The following EYS variants were observed in gnomAD, a reference collection of about 807,000 sequenced individuals.
EYS encodes EGF-like photoreceptor maintenance factor, also known as protein eyes shut homolog.
EYS carries 250 observed loss-of-function variants against 282.1 expected under a neutral mutation model. The observed-to-expected ratio is 0.89, with a 90% CI of 0.80 to 0.98. The LOEUF (loss-of-function observed/expected upper bound fraction) is 0.98, where lower values mean the gene tolerates loss of function less well. Ranked by LOEUF, EYS falls within the 50% of genes least tolerant of loss-of-function variation. The pLI, the probability that EYS is intolerant of heterozygous loss-of-function variation, is 0.00. For synonymous variants in EYS, 1,355 were observed against 1,282.9 expected (o/e 1.06, Z -1.20); for missense variants, 4,016 against 3,709.0 (o/e 1.08, Z -2.15).
chr6:64,761,096 A>C (rs1371844186), intron 22 of EYS, among the ~76,000 whole-genome samples: 1 of 152,218 alleles, frequency 6.6e-6, no homozygotes, highest in East Asian at 1.9e-4. Flanking sequence ...ACTTGAATTC[A>C]GTTAGAACTA....
chr6:64,309,024 T>A (rs1769568539), intron 29 of EYS, among the ~76,000 whole-genome samples: 1 of 152,084 alleles, frequency 6.6e-6, no homozygotes, highest in Non-Finnish European at 1.5e-5. Flanking sequence ...AAAAATAAAG[T>A]TTATGACTAT....
At chr6:63,807,998 C>T (rs1313973082) in intron 36 of EYS, among the ~76,000 whole-genome samples, 1 of 152,078 alleles carries the variant, frequency 6.6e-6, no homozygotes, top group Non-Finnish European at 1.5e-5. Context: ...AATATTTCTT[C>T]CTGTTAATAA....
intron 36 of EYS, among the ~76,000 whole-genome samples, chr6:63,843,361 T>C (rs1032476708): frequency 3.3e-5 from 5 of 152,160 alleles, no homozygotes; most frequent in Non-Finnish European, 5.9e-5. Context: ...TTATTCTCTT[T>C]GTAGCGATTG....
At chr6:63,922,836 T>C (rs321485) in intron 35 of EYS, among the ~76,000 whole-genome samples, 151,663 of 152,318 alleles carry the variant, frequency 1, 75,513 homozygotes, top group Middle Eastern at 1. Context: ...CTAACTCTGA[T>C]ATCTAATCCA....
intron 2 of EYS, among the ~76,000 whole-genome samples, chr6:65,528,258 G>A (rs1467383467): frequency 6.6e-6 from 1 of 152,014 alleles, no homozygotes; most frequent in Non-Finnish European, 1.5e-5. Flanking sequence ...TTCTCCAAGG[G>A]GAACACAGAA....
chr6:63,756,419 G>C (rs1328265222), intron 41 of EYS, among the ~76,000 whole-genome samples: 3 of 152,110 alleles, frequency 2.0e-5, no homozygotes, highest in Non-Finnish European at 2.9e-5. Flanking sequence ...TTTATGTGAT[G>C]GTTTACGTTT....
At chr6:64,945,528 T>C (rs981145965) in intron 15 of EYS, among the ~76,000 whole-genome samples, 2 of 152,112 alleles carry the variant, frequency 1.3e-5, no homozygotes, top group Admixed American at 1.3e-4. Context: ...AAACATGTTT[T>C]GAAGAAGTAA....
At chr6:63,846,821 C>T (rs759769967) in intron 36 of EYS, among the ~76,000 whole-genome samples, 1 of 152,178 alleles carries the variant, frequency 6.6e-6, no homozygotes, top group Non-Finnish European at 1.5e-5. Context: ...AATAGACCTA[C>T]ATTTGTCTGT....
intron 12 of EYS, among the ~76,000 whole-genome samples, chr6:65,095,786 C>T (rs867435760): frequency 6.0e-5 from 9 of 150,942 alleles, no homozygotes; most frequent in African/African-American, 1.2e-4. Flanking sequence ...TATGCATAGA[C>T]GGAATTTAAG....
At chr6:65,427,194 T>C (rs1767694315) in intron 5 of EYS, among the ~76,000 whole-genome samples, 1 of 152,080 alleles carries the variant, frequency 6.6e-6, no homozygotes, top group Non-Finnish European at 1.5e-5. Flanking sequence ...CACTTCACTT[T>C]TTCTTCAGGA....
chr6:65,166,257 CAG>C (rs1764969008), intron 12 of EYS, among the ~76,000 whole-genome samples: 1 of 151,066 alleles, frequency 6.6e-6, no homozygotes, highest in African/African-American at 2.4e-5. Context: ...GCAGCTATGA[CAG>C]AGTCACAAAA....
chr6:64,815,414 T>G (rs557128592), intron 21 of EYS, among the ~76,000 whole-genome samples: 1 of 152,210 alleles, frequency 6.6e-6, no homozygotes, highest in Non-Finnish European at 1.5e-5. Context: ...AATTGAATTG[T>G]ATCTCCCATG....
rs1770368830 is a variant in EYS, at chr6:64,691,184, C to T, written c.3444-64939G>A. ...TAAAGGGCAATGATTAAAAAGTACG[C>T]ATGTAACATTAGATTTCATAGTGAA... On this transcript the variant is annotated intron_variant, in intron 22 of 42. Transcript: ENST00000503581. Among the ~76,000 whole-genome samples the T allele has an allele frequency of 2.6e-5, 4 of 151,984 alleles. No homozygotes were observed. The South Asian group carries it at 8.3e-4, about 31-fold the overall frequency.
At chr6:64,885,595 G>GT (rs1249427756) in intron 19 of EYS, among the ~76,000 whole-genome samples, 1 of 151,630 alleles carries the variant, frequency 6.6e-6, no homozygotes, top group Non-Finnish European at 1.5e-5. Flanking sequence ...AAAGTAAACT[G>GT]TTTTATAGTT....
intron 31 of EYS, among the ~76,000 whole-genome samples, chr6:64,198,300 C>T (rs1168366199): frequency 6.6e-6 from 1 of 151,984 alleles, no homozygotes; most frequent in Non-Finnish European, 1.5e-5. Flanking sequence ...AGCCACTGCA[C>T]CCGGCCTATA....
At chr6:64,507,180 A>G (rs1009358934) in intron 26 of EYS, among the ~76,000 whole-genome samples, 16 of 151,954 alleles carry the variant, frequency 1.1e-4, no homozygotes, top group African/African-American at 3.9e-4. Context: ...TAGTAGAAAT[A>G]ATATAAATTT....
chr6:64,408,377 G>A (rs535047165), intron 28 of EYS, among the ~76,000 whole-genome samples: 72 of 152,108 alleles, frequency 4.7e-4, no homozygotes, highest in Non-Finnish European at 9.6e-4. Context: ...CACCTGAGGA[G>A]GGAGAGAGGA....
chr6:64,252,760 C>G (rs1327087475), intron 30 of EYS, among the ~76,000 whole-genome samples: 14 of 152,140 alleles, frequency 9.2e-5, no homozygotes, highest in Admixed American at 9.2e-4. Flanking sequence ...CCTGACACTC[C>G]TCTAGTACAA....
intron 31 of EYS, among the ~76,000 whole-genome samples, chr6:64,179,185 T>C (rs1281255021): frequency 6.6e-6 from 1 of 152,062 alleles, no homozygotes. Flanking sequence ...AGCTAGTTCC[T>C]TTGGGTACAG....
Sources: allele counts gnomAD v4.1 joint callset (sites outside exome capture counted in the v4.1 genomes callset), GRCh38; gene constraint gnomAD v4.1.1; transcripts MANE v1.5; gene names NCBI Gene and HGNC (gene_info 2026-07-23, HGNC 2026-07-21).